The following GRSF1 variants were observed in gnomAD, a reference collection of about 807,000 sequenced individuals.
GRSF1 encodes the protein G-rich sequence factor 1.
GRSF1 carries 50 observed loss-of-function variants against 51.1 expected under a neutral mutation model. The ratio of observed to expected loss-of-function variants is 0.98; its 90% CI spans 0.78 to 1.24. The LOEUF (loss-of-function observed/expected upper bound fraction) is 1.24. Ranked by LOEUF, GRSF1 falls within the 50% of genes most tolerant of loss-of-function variation. GRSF1 has a pLI of 0.00. For missense variants in GRSF1, 700 were observed against 639.7 expected, an observed-to-expected ratio of 1.09 and a Z score of -1.02; for synonymous variants, 293 against 253.3, an observed-to-expected ratio of 1.16 and a Z score of -1.49.
At chr4:70,839,007 C>A in intron 1 of GRSF1, 1 of 549,530 alleles carries the variant, frequency 1.8e-6, no homozygotes, top group Non-Finnish European at 2.8e-6. Flanking sequence ...TGTGCGCGCA[C>A]CTTCCCAGCA....
In GRSF1 at chr4:70,825,345, C is replaced by G; in HGVS notation, c.1344G>C (p.Glu448Asp). 6.2e-7 allele frequency: 1 copy of G among 1,612,208 alleles called. No individual in the cohort carries two copies. The highest frequency in any genetic ancestry group is 8.5e-7 in the Non-Finnish European group (1 of 1,178,698). The change falls in exon 8 of 10, where the codon GAG becomes GAC. Residue 448 changes from glutamate (E) to aspartate (D), a missense_variant. Coordinates refer to ENST00000254799, the MANE Select transcript of GRSF1 (RefSeq NM_002092.4). The part of the protein sequence containing the change: ...KATGEADVHF[E>D]THEDAVAAML... ...TCGCTGCAACAGCATCCTCATGGGTCTCAAAGTGCACATCAGCTTCTCCAG... is the reference window on the plus strand; with the variant it reads ...TCGCTGCAACAGCATCCTCATGGGTGTCAAAGTGCACATCAGCTTCTCCAG...
intron 9 of GRSF1, among the ~76,000 whole-genome samples, chr4:70,823,242 CA>C (rs1733592955): frequency 6.6e-6 from 1 of 151,692 alleles, no homozygotes; most frequent in South Asian, 2.1e-4. Flanking sequence ...ACTAAAAATA[CA>C]AAAATTAGCT....
intron 1 of GRSF1, chr4:70,839,094 G>A (rs1734347181): frequency 7.8e-7 from 1 of 1,275,360 alleles, no homozygotes. Context: ...CCTCCGGCGG[G>A]CTCGGGCCTC....
intron 1 of GRSF1, chr4:70,839,033 G>C: frequency 1.2e-6 from 1 of 839,544 alleles, no homozygotes; most frequent in South Asian, 1.6e-5. Context: ...CGACCGAGAG[G>C]CGCCGAGGGC....
At chr4:70,834,644 CAG>C (rs1450693633) in intron 2 of GRSF1, among the ~76,000 whole-genome samples, 2 of 152,140 alleles carry the variant, frequency 1.3e-5, no homozygotes, top group Admixed American at 6.6e-5. Context: ...CTTTTTGAGA[CAG>C]AGTCTCTCTC....
At chr4:70,823,523 G>C (rs1246046073) in intron 9 of GRSF1, among the ~76,000 whole-genome samples, 3 of 149,684 alleles carry the variant, frequency 2.0e-5, no homozygotes, top group African/African-American at 7.4e-5. Context: ...GCCAGAGCGA[G>C]AATTTTCATT....
At position 70,819,861 on chromosome 4, in the gene GRSF1, C is replaced by T. The variant is rs1241807473; in HGVS notation, c.*1026G>A. 6.6e-6 allele frequency: 1 copy of T among 152,274 alleles called. No individual in the cohort carries two copies. The highest frequency in any genetic ancestry group is 1.5e-5 in the Non-Finnish European group (1 of 67,988). 9.4% of individuals were successfully genotyped at this position (152,274 alleles called of 1,614,324 possible). A position where few individuals can be genotyped will look rare whatever the true frequency, so the allele number is the denominator to read the frequency against. ...AATAACAAGCTGTTTAATATTAAAGCAGAAAGTACTGCCACATTGTGACAG... is the reference window on the plus strand; with the variant it reads ...AATAACAAGCTGTTTAATATTAAAGTAGAAAGTACTGCCACATTGTGACAG... On this transcript the variant is annotated 3_prime_UTR_variant, in exon 10 of 10. Coordinates refer to ENST00000254799, the MANE Select transcript of GRSF1 (RefSeq NM_002092.4).
chr4:70,833,362 C>T lies in GRSF1; in HGVS notation c.515-89G>A, dbSNP rs182690174. On this transcript the variant is annotated intron_variant, in intron 2 of 9. Transcript: ENST00000254799. ...TCACAAGAATGCAGTTTTCCAACAA[C>T]AAAGCAGGAAACAAGTGTCATATTC... The T allele has an allele frequency of 1.7e-5, 19 of 1,117,470 alleles. No homozygotes were observed. In the African/African-American group the frequency reaches 2.0e-4, roughly 12 times the overall value. 69.2% of individuals were successfully genotyped at this position (1,117,470 alleles called of 1,614,324 possible). A position where few individuals can be genotyped will look rare whatever the true frequency, so the allele number is the denominator to read the frequency against.
chr4:70,824,424 C>T, intron 8 of GRSF1, 56 bp from the exon 9 acceptor site: 2 of 894,118 alleles, frequency 2.2e-6, no homozygotes, highest in Non-Finnish European at 3.6e-6. Context: ...AAAAATATTA[C>T]AGCCATTTTT....
At chr4:70,828,182 G>C in intron 5 of GRSF1, 146 bp from the exon 6 acceptor site, 1 of 633,516 alleles carries the variant, frequency 1.6e-6, no homozygotes, top group Non-Finnish European at 2.7e-6. Flanking sequence ...AACTAATAAT[G>C]CATACAGATA....
intron 5 of GRSF1, among the ~76,000 whole-genome samples, chr4:70,829,241 G>C (rs974661185): frequency 6.6e-6 from 1 of 151,926 alleles, no homozygotes; most frequent in African/African-American, 2.4e-5. Flanking sequence ...TATAAAACTA[G>C]CTTGTGTTTA....
Position 70,824,351 on chromosome 4 carries a change from G to A in GRSF1, c.1411C>T (p.Leu471=). Reference sequence around the variant, plus strand: ...CCTTTTGGACATGAATTCAGGAACAGTTCAATATACCTATGATCTGAGGAT... The same window carrying A: ...CCTTTTGGACATGAATTCAGGAACAATTCAATATACCTATGATCTGAGGAT... The part of the protein sequence containing the change: ...RSHVHHRYIE[L]FLNSCPKGK The change falls in exon 9 of 10, where the codon CTG becomes TTG. Residue 471 remains leucine, a synonymous_variant. Transcript: ENST00000254799. The A allele has an allele frequency of 6.8e-7, 1 of 1,478,538 alleles. No homozygotes were observed. Among genetic ancestry groups the A allele is most frequent in the Non-Finnish European group, 9.4e-7 (1 of 1,067,524 alleles). 91.6% of individuals were successfully genotyped at this position (1,478,538 alleles called of 1,614,324 possible).
intron 2 of GRSF1, 117 bp downstream of exon 2, chr4:70,836,041 G>A: frequency 1.8e-6 from 1 of 557,012 alleles, no homozygotes; most frequent in Non-Finnish European, 3.0e-6. Context: ...AGTCTGACAT[G>A]GATTTGTAGC....
rs1378681204 is a variant in GRSF1, at chr4:70,839,562, G to C, written c.266C>G (p.Ala89Gly). ...PPAVATSAAAAAAASYSALRA... is the reference protein window; with the variant it reads ...PPAVATSAAAGAAASYSALRA... ...GAGGGCAGAGTAGGACGCGGCGGCC[G>C]CGGCCGCGGCAGAGGTGGCCACAGC... Residue 89 changes from alanine to glycine, a missense_variant, in exon 1 of 10, where the codon GCG becomes GGG. By Grantham distance (60) the Ala-to-Gly change is moderately conservative. Transcript: ENST00000254799. The C allele has an allele frequency of 1.4e-6, 2 of 1,421,990 alleles. No homozygotes were observed. Among genetic ancestry groups the C allele is most frequent in the Non-Finnish European group, 1.8e-6 (2 of 1,090,486 alleles). 88.1% of individuals were successfully genotyped at this position (1,421,990 alleles called of 1,614,324 possible). A position where few individuals can be genotyped will look rare whatever the true frequency, so the allele number is the denominator to read the frequency against.
intron 7 of GRSF1, chr4:70,825,686 C>T (rs748546438): frequency 3.7e-5 from 12 of 322,562 alleles, no homozygotes; most frequent in Non-Finnish European, 6.7e-5. Context: ...AATCTCAACA[C>T]TTTGGGAGGC....
At chr4:70,823,133 C>T (rs1184675469) in intron 9 of GRSF1, among the ~76,000 whole-genome samples, 1 of 152,240 alleles carries the variant, frequency 6.6e-6, no homozygotes, top group East Asian at 1.9e-4. Flanking sequence ...CAGTGGCTCA[C>T]GCCTGTAATC....
chr4:70,839,225 T>TA (rs771874971), intron 1 of GRSF1: 4 of 1,449,378 alleles, frequency 2.8e-6, no homozygotes, highest in African/African-American at 1.4e-5. Context: ...CAGCCACACT[T>TA]ACACTGCCCA....
Position 70,817,263 on chromosome 4 carries a change from G to A in GRSF1, c.*3624C>T, listed in dbSNP as rs1407225568. ...GTCTCACTCTGTCACTCAGGCTGGA[G>A]TGCAGCAACAGTCATGGCTCACTGC... On this transcript the variant is annotated 3_prime_UTR_variant, in exon 10 of 10. Coordinates refer to ENST00000254799, the MANE Select transcript of GRSF1 (RefSeq NM_002092.4). 4.6e-5 allele frequency: 7 copies of A among 151,562 alleles called. No homozygotes were observed. The highest frequency in any genetic ancestry group is 2.1e-4 in the South Asian group (1 of 4,812). The allele number at this position is 151,562 out of a possible 1,614,324, so 9.4% of individuals were successfully genotyped here.
At position 70,832,318 on chromosome 4, in the gene GRSF1, T is replaced by C. The variant is rs200388273; in HGVS notation, c.803A>G (p.Asp268Gly). 5.0e-4 allele frequency: 810 copies of C among 1,613,250 alleles called. 6 individuals carry two copies. The highest frequency in any genetic ancestry group is 4.6e-5 in the Non-Finnish European group (54 of 1,179,504). ...CAACTGCAAAGTACCTGCAAAGAAG[T>C]CTACAATGTCTTTCTCATTGCAACT... ...PYSCNEKDIV[D>G]FFAGLNIVDI... Residue 268 changes from aspartate (D) to glycine (G), a missense_variant, in exon 4 of 10, where the codon GAC becomes GGC. Asp to Gly is a moderately conservative substitution (Grantham distance 94). Coordinates refer to ENST00000254799, the MANE Select transcript of GRSF1 (RefSeq NM_002092.4).
Sources: allele counts gnomAD v4.1 joint callset (sites outside exome capture counted in the v4.1 genomes callset), GRCh38; gene constraint gnomAD v4.1.1; transcripts MANE v1.5; gene names NCBI Gene and HGNC (gene_info 2026-07-23, HGNC 2026-07-21).